Variants in NOS1 observed in about 807,000 individuals in gnomAD.
NOS1 encodes the protein NOS type I.
Under a neutral mutation model 164.5 loss-of-function variants are expected in NOS1, and 51 were observed. The observed-to-expected ratio is 0.31, with a 90% CI of 0.25 to 0.39. The LOEUF (loss-of-function observed/expected upper bound fraction) is 0.39, where lower values mean the gene tolerates loss of function less well. Among genes scored for constraint, NOS1 ranks in the 10% least tolerant of loss-of-function variants. The probability of loss-of-function intolerance (pLI) is 1.00; values close to 1 mark genes in which losing one functional copy is unlikely to be tolerated. For synonymous variants in NOS1, 719 were observed against 745.8 expected, an observed-to-expected ratio of 0.96 and a Z score of 0.59; for missense variants, 1,362 against 1,885.6, an observed-to-expected ratio of 0.72 and a Z score of 5.14.
chr12:117,327,806 T>C (rs1481980072), intron 2 of NOS1, among the ~76,000 whole-genome samples: 1 of 152,044 alleles, frequency 6.6e-6, no homozygotes, highest in African/African-American at 2.4e-5. Context: ...AGGAGTAGGT[T>C]GGAGGGAAGG....
At chr12:117,285,148 T>G (rs1874013381) in intron 7 of NOS1, 93 bp downstream of exon 7, 2 of 655,824 alleles carry the variant, frequency 3.0e-6, no homozygotes, top group Non-Finnish European at 5.1e-6. Flanking sequence ...ATGAGGTGCA[T>G]TTCCCTGGCA....
intron 3 of NOS1, among the ~76,000 whole-genome samples, chr12:117,297,660 G>A (rs896834817): frequency 1.3e-5 from 2 of 152,068 alleles, no homozygotes; most frequent in African/African-American, 2.4e-5. Context: ...CAAAGTGCTG[G>A]GATTATAGGC....
At chr12:117,289,798 T>A (rs1220519918) in intron 4 of NOS1, among the ~76,000 whole-genome samples, 1 of 149,606 alleles carries the variant, frequency 6.7e-6, no homozygotes, top group Non-Finnish European at 1.5e-5. Flanking sequence ...CCATATATTT[T>A]CTTGCAGCTG....
chr12:117,280,574 G>A, intron 8 of NOS1, 151 bp downstream of exon 8: 1 of 797,036 alleles, frequency 1.3e-6, no homozygotes, highest in Non-Finnish European at 2.0e-6. Flanking sequence ...ATTAGATTGG[G>A]GAACAGCCTG....
In NOS1 at chr12:117,214,220, T is replaced by G. The variant is rs1203890981; in HGVS notation, c.*1089A>C. ...AATAAAAAAATAATAATCATATTGT[T>G]ACTTGATATTGTTTCCAGGCACCAA... On this transcript the variant is annotated 3_prime_UTR_variant, in exon 29 of 29. Transcript: ENST00000317775. The G allele has an allele frequency of 1.0e-6, 1 of 985,288 alleles. No individual in the cohort carries two copies. Among genetic ancestry groups the G allele is most frequent in the African/African-American group, 1.7e-5 (1 of 57,238 alleles). The allele number at this position is 985,288 out of a possible 1,614,324, so 61.0% of individuals were successfully genotyped here. A position where few individuals can be genotyped will look rare whatever the true frequency, so the allele number is the denominator to read the frequency against.
intron 3 of NOS1, among the ~76,000 whole-genome samples, chr12:117,303,564 G>A (rs906538562): frequency 1.3e-5 from 2 of 152,146 alleles, no homozygotes; most frequent in African/African-American, 2.4e-5. Flanking sequence ...ATGGAAAAGA[G>A]GAGAGAACCC....
At chr12:117,241,892 T>A (rs1283538475) in intron 20 of NOS1, among the ~76,000 whole-genome samples, 1 of 152,214 alleles carries the variant, frequency 6.6e-6, no homozygotes, top group African/African-American at 2.4e-5. Context: ...GAGAGTGACA[T>A]TTCCAGCAGG....
intron 3 of NOS1, among the ~76,000 whole-genome samples, chr12:117,307,994 A>AAATAATAACAAT (rs1555258751): frequency 6.7e-6 from 1 of 149,760 alleles, no homozygotes; most frequent in Admixed American, 6.7e-5. Context: ...GTCTCACAAT[A>AAATAATAACAAT]AATAATAATA....
At chr12:117,333,111 A>C (rs1875628600) in intron 1 of NOS1, among the ~76,000 whole-genome samples, 1 of 151,808 alleles carries the variant, frequency 6.6e-6, no homozygotes, top group Non-Finnish European at 1.5e-5. Context: ...GGGATGGGGC[A>C]GGTGATCTGT....
intron 20 of NOS1, among the ~76,000 whole-genome samples, chr12:117,240,161 T>C (rs1448045259): frequency 6.6e-6 from 1 of 152,170 alleles, no homozygotes; most frequent in East Asian, 1.9e-4. Context: ...TCCCTTCCCA[T>C]AGGACCAAAA....
At chr12:117,308,024 C>T (rs778688431) in intron 3 of NOS1, among the ~76,000 whole-genome samples, 1 of 135,756 alleles carries the variant, frequency 7.4e-6, no homozygotes, top group Admixed American at 7.8e-5. Context: ...ATAATAGAGA[C>T]ATGGGTACAA....
rs1049570635 is a variant in NOS1, at chr12:117,356,531, T to G, written c.-421+4981A>C. Among the ~76,000 whole-genome samples, 1 of 152,262 alleles carries G rather than the reference T, an allele frequency of 6.6e-6. No homozygotes were observed. Among genetic ancestry groups the G allele is most frequent in the East Asian group, 1.9e-4 (1 of 5,196 alleles). On this transcript the variant is annotated intron_variant, in intron 1 of 28. Transcript: ENST00000317775. The surrounding 1 kb of genome is among the most constrained non-coding windows in gnomAD (Gnocchi z 4.2). ...TCTGGTGCTCACCGCTTAGCCAGAC[T>G]ACAGGTTTCATTAGAATGGGGCTCA...
chr12:117,290,095 G>A (rs889095512), intron 4 of NOS1, among the ~76,000 whole-genome samples: 2 of 152,156 alleles, frequency 1.3e-5, no homozygotes, highest in African/African-American at 2.4e-5. Flanking sequence ...TGCCCAAGAC[G>A]GCAGTGCTCC....
chr12:117,269,868 C>T (rs534245541), intron 10 of NOS1, among the ~76,000 whole-genome samples: 20 of 152,296 alleles, frequency 1.3e-4, no homozygotes, highest in African/African-American at 4.3e-4. Context: ...GTGGTCATGA[C>T]CTAGCATCTA....
intron 7 of NOS1, among the ~76,000 whole-genome samples, chr12:117,281,601 C>G (rs1472878057): frequency 1.3e-5 from 2 of 150,606 alleles, no homozygotes; most frequent in Non-Finnish European, 2.9e-5. Flanking sequence ...TTTGGGAGGC[C>G]AAGGCAGGCG....
chr12:117,229,117 C>T (rs1181648016), intron 22 of NOS1, among the ~76,000 whole-genome samples: 3 of 152,214 alleles, frequency 2.0e-5, no homozygotes, highest in Non-Finnish European at 4.4e-5. Context: ...GCATCCTTGA[C>T]ATTGTGCTTC....
chr12:117,272,093 G>C lies in NOS1; in HGVS notation c.1839+292C>G, dbSNP rs147858339. 5.9e-5 allele frequency among the ~76,000 whole-genome samples: 9 copies of C among 152,270 alleles called. No individual in the cohort carries two copies. The highest frequency in any genetic ancestry group is 4.4e-5 in the Non-Finnish European group (3 of 68,026). On this transcript the variant is annotated intron_variant, in intron 10 of 28. Transcript: ENST00000317775. The surrounding 1 kb of genome is among the most constrained non-coding windows in gnomAD (Gnocchi z 4.3). ...CCTTGAGCTTGTCATCTGTCGAAGGGGGATTCTCATACCTCAAGGTTCAGG... is the reference window on the plus strand; with the variant it reads ...CCTTGAGCTTGTCATCTGTCGAAGGCGGATTCTCATACCTCAAGGTTCAGG...
At chr12:117,316,387 C>T (rs140463966) in intron 2 of NOS1, among the ~76,000 whole-genome samples, 45 of 152,238 alleles carry the variant, frequency 3.0e-4, no homozygotes, top group African/African-American at 1.1e-3. Flanking sequence ...CTTGACTCCT[C>T]CCTCTTCCCG....
At chr12:117,260,398 C>T in intron 14 of NOS1, 67 bp downstream of exon 14, 2 of 1,574,214 alleles carry the variant, frequency 1.3e-6, no homozygotes, top group Non-Finnish European at 1.7e-6. Context: ...TGTTGACTTC[C>T]CTCTCTCCCC....
Sources: gnomAD v4.1 joint callset for allele counts (sites outside exome capture counted in the v4.1 genomes callset) on GRCh38, gnomAD v4.1.1 for gene constraint, Gnocchi (gnomAD v3.1) non-coding constraint, MANE v1.5 for transcripts, NCBI Gene and HGNC (gene_info 2026-07-23, HGNC 2026-07-21) for gene names.